Variants in FSTL5 observed in about 807,000 individuals in gnomAD.
FSTL5 encodes follistatin-related protein 5.
A neutral mutation model predicts 89.1 loss-of-function variants in FSTL5; 62 were observed. The ratio of observed to expected loss-of-function variants is 0.70; its 90% CI spans 0.57 to 0.86. The LOEUF (loss-of-function observed/expected upper bound fraction) is 0.86. Among genes scored for constraint, FSTL5 ranks in the 40% least tolerant of loss-of-function variants. FSTL5 has a pLI of 0.00. For synonymous variants in FSTL5, 383 were observed against 346.2 expected (o/e 1.11, Z -1.18); for missense variants, 1,057 against 1,001.6 (o/e 1.06, Z -0.75).
At chr4:162,145,814 TAATGTGGTA>T (rs1732951776) in intron 1 of FSTL5, among the ~76,000 whole-genome samples, 1 of 152,190 alleles carries the variant, frequency 6.6e-6, no homozygotes, top group African/African-American at 2.4e-5. Flanking sequence ...TTAGGAAGTT[TAATGTGGTA>T]AAGCTTAGAG....
chr4:162,073,941 G>A (rs1561004484), intron 2 of FSTL5, among the ~76,000 whole-genome samples: 1 of 151,626 alleles, frequency 6.6e-6, no homozygotes, highest in Non-Finnish European at 1.5e-5. Context: ...CTTGGCAATA[G>A]GAAGTAATAC....
chr4:161,868,801 T>C (rs888844834), intron 4 of FSTL5, among the ~76,000 whole-genome samples: 4 of 152,206 alleles, frequency 2.6e-5, no homozygotes, highest in African/African-American at 9.7e-5. Flanking sequence ...TTCCAGGCCA[T>C]TCTTATTCCT....
intron 2 of FSTL5, among the ~76,000 whole-genome samples, chr4:162,099,053 G>A (rs755601648): frequency 3.3e-5 from 5 of 151,646 alleles, no homozygotes; most frequent in Non-Finnish European, 7.4e-5. Flanking sequence ...AAATTTTTAG[G>A]TGCATGTGAT....
At chr4:161,524,385 G>A (rs1284906568) in intron 10 of FSTL5, among the ~76,000 whole-genome samples, 1 of 151,980 alleles carries the variant, frequency 6.6e-6, no homozygotes, top group Non-Finnish European at 1.5e-5. Flanking sequence ...ACCACCCGGG[G>A]CACATCTTCT....
In FSTL5 at chr4:161,605,758, G is replaced by A. The variant is rs148082604; in HGVS notation, c.895-18183C>T. ...TTGGAAGATAAGTCTTTTCAACAGC[G>A]TTGTGAACAAATGAATTACCTTTTG... On this transcript the variant is annotated intron_variant, in intron 7 of 15. Coordinates refer to ENST00000306100, the MANE Select transcript of FSTL5 (RefSeq NM_020116.5). Among the ~76,000 whole-genome samples the A allele has an allele frequency of 7.2e-5, 11 of 152,262 alleles. No homozygotes were observed. In the East Asian group the frequency reaches 1.9e-3, roughly 27 times the overall value.
intron 5 of FSTL5, among the ~76,000 whole-genome samples, chr4:161,771,677 T>C (rs745603128): frequency 2.0e-5 from 3 of 152,168 alleles, no homozygotes; most frequent in Non-Finnish European, 2.9e-5. Context: ...TCTTCAGTTA[T>C]AACCTGTTTT....
intron 6 of FSTL5, among the ~76,000 whole-genome samples, chr4:161,666,742 G>T (rs1050206369): frequency 3.9e-5 from 6 of 152,038 alleles, no homozygotes; most frequent in African/African-American, 4.8e-5. Flanking sequence ...AGGAAAAGGG[G>T]CCAGTAGAAA....
At chr4:161,577,473 C>CAAAAAAAAAAAAAA (rs544029134) in intron 8 of FSTL5, among the ~76,000 whole-genome samples, 10 of 110,196 alleles carry the variant, frequency 9.1e-5, no homozygotes, top group Admixed American at 5.2e-4. Context: ...AGAAAAAAGA[C>CAAAAAAAAAAAAAA]AAAAAAAAAA....
At chr4:161,882,373 C>T (rs759938700) in intron 4 of FSTL5, among the ~76,000 whole-genome samples, 1 of 152,006 alleles carries the variant, frequency 6.6e-6, no homozygotes, top group Admixed American at 6.6e-5. Flanking sequence ...AACTAATTCC[C>T]GACACAGCAG....
intron 3 of FSTL5, among the ~76,000 whole-genome samples, chr4:161,976,117 C>CAAAAAAAAAAAAAAAAAAAAAAAAAAA: frequency 1.5e-5 from 1 of 65,380 alleles, no homozygotes; most frequent in Non-Finnish European, 3.0e-5. Context: ...GACTCCGCCT[C>CAAAAAAAAAAAAAAAAAAAAAAAAAAA]AAAAAAAAAA....
intron 2 of FSTL5, among the ~76,000 whole-genome samples, chr4:162,081,765 A>G (rs1295066269): frequency 6.7e-6 from 1 of 148,712 alleles, no homozygotes; most frequent in East Asian, 2.0e-4. Context: ...ATATGAAAAT[A>G]GAACCAGAAA....
Position 161,769,921 on chromosome 4 carries a change from CA to C in FSTL5, c.606+5956del, listed in dbSNP as rs898663150. Among the ~76,000 whole-genome samples the C allele has an allele frequency of 1.1e-3, 162 of 151,064 alleles. 1 individual carries two copies. The highest frequency in any genetic ancestry group is 1.9e-3 in the Non-Finnish European group (131 of 67,554). On this transcript the variant is annotated intron_variant, in intron 5 of 15. Transcript: ENST00000306100. ...GAAAAAAAAAACCTAAAGACTCCACCAAAAAAACTATTCACAATAGCCAAGA... is the reference window on the plus strand; with the variant it reads ...GAAAAAAAAAACCTAAAGACTCCACCAAAAAACTATTCACAATAGCCAAGA...
chr4:161,832,975 G>C (rs903967381), intron 4 of FSTL5, among the ~76,000 whole-genome samples: 7 of 148,396 alleles, frequency 4.7e-5, no homozygotes, highest in Non-Finnish European at 7.5e-5. Context: ...GTGATGTTAG[G>C]GTGTCAATTT....
chr4:161,505,831 A>T (rs892051508), intron 11 of FSTL5, among the ~76,000 whole-genome samples: 2 of 152,122 alleles, frequency 1.3e-5, no homozygotes, highest in Admixed American at 1.3e-4. Context: ...TTGTAAAATG[A>T]TTTAAAAAGC....
chr4:161,856,952 G>A (rs1311439176), intron 4 of FSTL5, among the ~76,000 whole-genome samples: 1 of 152,084 alleles, frequency 6.6e-6, no homozygotes, highest in Non-Finnish European at 1.5e-5. Context: ...GCTAGTTTGA[G>A]TAATGCAGAG....
At chr4:161,568,795 T>G (rs1008748264) in intron 8 of FSTL5, among the ~76,000 whole-genome samples, 1 of 152,200 alleles carries the variant, frequency 6.6e-6, no homozygotes, top group African/African-American at 2.4e-5. Flanking sequence ...ACCTAATGCA[T>G]AGGCAGCTAA....
chr4:161,751,128 G>C (rs374068467), intron 6 of FSTL5, among the ~76,000 whole-genome samples: 1 of 151,880 alleles, frequency 6.6e-6, no homozygotes, highest in Non-Finnish European at 1.5e-5. Flanking sequence ...GAACCCTAAA[G>C]GCACAATAGT....
At chr4:162,047,437 T>G (rs921975869) in intron 2 of FSTL5, 3 of 152,008 alleles carry the variant, frequency 2.0e-5, no homozygotes, top group African/African-American at 7.3e-5. Flanking sequence ...TTCATGGAGC[T>G]CTCCAGGGGA....
rs778419838 is a variant in FSTL5 at position 161,759,498 on chromosome 4, A to G, written c.640T>C (p.Phe214Leu). ...IKQEELGKDL[F>L]DCTLYVLLKY... ...AATAGAACATACAAAGTACAATCAA[A>G]GAGATCCTTGCCAAGTTCTTCCTGT... The change falls in exon 6 of 16, where the codon TTT (phenylalanine) becomes CTT (leucine). Residue 214 changes from phenylalanine to leucine, a missense_variant. Phe to Leu is a conservative substitution (Grantham distance 22). This residue lies in a region of FSTL5 where 980 missense variants were observed against 903.2 expected (regional missense o/e 1.08). Transcript: ENST00000306100. 3 of 1,579,198 alleles carry G rather than the reference A, an allele frequency of 1.9e-6. No homozygotes were observed. The East Asian group carries it at 7.0e-5, about 37-fold the overall frequency.
Sources: gnomAD v4.1 joint callset for allele counts (sites outside exome capture counted in the v4.1 genomes callset) on GRCh38, gnomAD v4.1.1 for gene constraint, gnomAD v4.1.1 regional missense constraint, MANE v1.5 for transcripts, NCBI Gene and HGNC (gene_info 2026-07-23, HGNC 2026-07-21) for gene names.